RAPGEF5: variants seen among roughly 807,000 people sequenced by gnomAD.
RAPGEF5 encodes the protein Rap guanine nucleotide exchange factor 5.
RAPGEF5 carries 65 observed loss-of-function variants against 125.2 expected under a neutral mutation model. The ratio of observed to expected loss-of-function variants is 0.52; its 90% CI spans 0.43 to 0.64. RAPGEF5 has a LOEUF of 0.64. RAPGEF5 is among the 30% of genes least tolerant of loss of function. The pLI, the probability that RAPGEF5 is intolerant of heterozygous loss-of-function variation, is 0.00. For synonymous variants in RAPGEF5, 391 were observed against 385.9 expected (o/e 1.01, Z -0.16); for missense variants, 958 against 1,048.1 (o/e 0.91, Z 1.19).
chr7:22,160,082 C>T (rs1022440994), intron 14 of RAPGEF5, among the ~76,000 whole-genome samples: 1 of 152,112 alleles, frequency 6.6e-6, no homozygotes, highest in Admixed American at 6.5e-5. Context: ...GCATTCCAGG[C>T]TGAGCAGCAG....
chr7:22,288,854 A>G (rs1420751998), intron 6 of RAPGEF5, among the ~76,000 whole-genome samples: 1 of 152,136 alleles, frequency 6.6e-6, no homozygotes, highest in Non-Finnish European at 1.5e-5. Flanking sequence ...CAATCTCCCT[A>G]TCTTCAACTT....
chr7:22,330,703 GT>G (rs1783899933), intron 1 of RAPGEF5, among the ~76,000 whole-genome samples: 1 of 152,146 alleles, frequency 6.6e-6, no homozygotes, highest in Admixed American at 6.5e-5. Flanking sequence ...TAACTCAGGA[GT>G]CCCCCGTATT....
intron 11 of RAPGEF5, among the ~76,000 whole-genome samples, chr7:22,179,483 A>T (rs1287353676): frequency 1.3e-5 from 2 of 152,152 alleles, no homozygotes; most frequent in East Asian, 1.9e-4. Context: ...CAGGCTTTTT[A>T]AAAAAATGAC....
intron 8 of RAPGEF5, among the ~76,000 whole-genome samples, chr7:22,226,602 A>G (rs376162468): frequency 1.3e-5 from 2 of 152,338 alleles, no homozygotes; most frequent in East Asian, 1.9e-4. Context: ...TGAACCACGA[A>G]GCATCCACAG....
intron 7 of RAPGEF5, among the ~76,000 whole-genome samples, chr7:22,260,104 T>A (rs552549318): frequency 2.6e-5 from 4 of 151,340 alleles, no homozygotes; most frequent in African/African-American, 7.3e-5. Flanking sequence ...AAAAAAAAAA[T>A]TAATGGTTGT....
chr7:22,308,474 A>G lies in RAPGEF5; in HGVS notation c.545T>C (p.Val182Ala). 1 of 1,567,196 alleles carries G rather than the reference A, an allele frequency of 6.4e-7. No individual in the cohort carries two copies. Among genetic ancestry groups the G allele is most frequent in the South Asian group, 1.2e-5 (1 of 84,802 alleles). The change falls in exon 5 of 26, where the codon GTT becomes GCT. Residue 182 changes from valine to alanine, a missense_variant. Val to Ala is a moderately conservative substitution (Grantham distance 64). Coordinates refer to ENST00000665637, the MANE Select transcript of RAPGEF5 (RefSeq NM_012294.5). ...TTCATCAGAGGAAAACTGGTAGAAA[A>G]CATAAGTATCTTGAAAGTATAGATG... ...DQHLYFQDTY[V>A]FYQFSSDECS...
At chr7:22,147,099 G>C (rs1042093650) in intron 18 of RAPGEF5, 80 bp from the exon 19 acceptor site, 113 of 1,521,116 alleles carry the variant, frequency 7.4e-5, no homozygotes, top group Non-Finnish European at 2.8e-5. Context: ...AAAGGCACTA[G>C]AAGCTCAGAT....
At chr7:22,262,214 A>C (rs986725909) in intron 7 of RAPGEF5, among the ~76,000 whole-genome samples, 6 of 152,074 alleles carry the variant, frequency 3.9e-5, no homozygotes, top group African/African-American at 7.2e-5. Flanking sequence ...CTCAACTATA[A>C]AAAACAAAAA....
chr7:22,201,107 G>A (rs1785267239), intron 9 of RAPGEF5, among the ~76,000 whole-genome samples: 2 of 152,276 alleles, frequency 1.3e-5, no homozygotes, highest in South Asian at 4.2e-4. Flanking sequence ...ACTAGCCCTG[G>A]GCTGGAAGGG....
intron 24 of RAPGEF5, among the ~76,000 whole-genome samples, chr7:22,126,302 C>T (rs919416723): frequency 6.6e-6 from 1 of 152,222 alleles, no homozygotes; most frequent in African/African-American, 2.4e-5. Flanking sequence ...TATGTGTCAC[C>T]TCCTCTCCAT....
chr7:22,123,395 C>CAGT (rs1782642640), intron 25 of RAPGEF5, among the ~76,000 whole-genome samples: 1 of 152,100 alleles, frequency 6.6e-6, no homozygotes, highest in Non-Finnish European at 1.5e-5. Context: ...AACTGCACTA[C>CAGT]AGTAAAACAA....
chr7:22,154,352 C>G, intron 17 of RAPGEF5, 103 bp downstream of exon 17: 1 of 1,330,304 alleles, frequency 7.5e-7, no homozygotes, highest in Non-Finnish European at 1.0e-6. Context: ...CAGCTGCGGG[C>G]CCAGAAGGGA....
At chr7:22,349,436 A>AAAAAAAG (rs1784289481) in intron 1 of RAPGEF5, among the ~76,000 whole-genome samples, 2 of 151,894 alleles carry the variant, frequency 1.3e-5, no homozygotes, top group Non-Finnish European at 2.9e-5. Context: ...AAAAAAAAAA[A>AAAAAAAG]AAAAAAGGGT....
Position 22,168,536 on chromosome 7 carries a change from T to A in RAPGEF5, c.1205-1388A>T, listed in dbSNP as rs76328186. 1.7e-4 allele frequency among the ~76,000 whole-genome samples: 26 copies of A among 152,360 alleles called. No homozygotes were observed. In the East Asian group the frequency reaches 4.2e-3, roughly 25 times the overall value. On this transcript the variant is annotated intron_variant, in intron 11 of 25. Transcript: ENST00000665637. The stretch of plus-strand genomic sequence containing the variant: ...CAAGATCTACATGTTATAATGATGA[T>A]GTGTAAGTAAAAATAATTGCCCAGT...
chr7:22,256,944 C>G (rs958934497), intron 7 of RAPGEF5, among the ~76,000 whole-genome samples: 4 of 152,178 alleles, frequency 2.6e-5, no homozygotes, highest in African/African-American at 9.7e-5. Flanking sequence ...ATCCTAATGG[C>G]CTTTTAGAAA....
chr7:22,255,335 T>C (rs977623568), intron 7 of RAPGEF5, among the ~76,000 whole-genome samples: 15 of 152,224 alleles, frequency 9.9e-5, no homozygotes, highest in Non-Finnish European at 1.9e-4. Context: ...ACATCTGTAA[T>C]CCCAGCACTT....
At chr7:22,216,020 T>C (rs887985141) in intron 9 of RAPGEF5, among the ~76,000 whole-genome samples, 4 of 152,172 alleles carry the variant, frequency 2.6e-5, no homozygotes, top group African/African-American at 7.2e-5. Context: ...ACAAATTGCT[T>C]AATATAAAAT....
intron 9 of RAPGEF5, among the ~76,000 whole-genome samples, chr7:22,208,036 C>T (rs1785434467): frequency 6.6e-6 from 1 of 152,074 alleles, no homozygotes; most frequent in African/African-American, 2.4e-5. Context: ...TGTTTTTGCC[C>T]TTCTTCTTTA....
intron 5 of RAPGEF5, among the ~76,000 whole-genome samples, chr7:22,292,872 C>T (rs944644114): frequency 5.3e-5 from 8 of 152,358 alleles, no homozygotes; most frequent in Admixed American, 4.6e-4. Flanking sequence ...CACAGATTCT[C>T]TCATAAATCT....
Sources: gnomAD v4.1 joint callset for allele counts (sites outside exome capture counted in the v4.1 genomes callset) on GRCh38, gnomAD v4.1.1 for gene constraint, MANE v1.5 for transcripts, NCBI Gene and HGNC (gene_info 2026-07-23, HGNC 2026-07-21) for gene names.